Variants in PIK3R1 observed in about 807,000 individuals in gnomAD.
The protein encoded by PIK3R1 is phosphatidylinositol 3-kinase regulatory subunit alpha.
Under a neutral mutation model 98.0 loss-of-function variants are expected in PIK3R1, and 29 were observed. The observed-to-expected ratio is 0.30, with a 90% confidence interval of 0.22 to 0.40. PIK3R1 has a LOEUF of 0.40. PIK3R1 is among the 10% of genes least tolerant of loss of function. The probability of loss-of-function intolerance (pLI) is 1.00; values close to 1 mark genes in which losing one functional copy is unlikely to be tolerated. For missense variants in PIK3R1, 596 were observed against 872.7 expected (o/e 0.68, Z 3.99); for synonymous variants, 282 against 311.8 (o/e 0.90, Z 1.01).
chr5:68,284,698 A>G (rs1285545605), intron 7 of PIK3R1, among the ~76,000 whole-genome samples: 1 of 152,184 alleles, frequency 6.6e-6, no homozygotes, highest in South Asian at 2.1e-4. Flanking sequence ...TTACATTTCT[A>G]AAGGGTAGGG....
At chr5:68,279,836 T>C in intron 5 of PIK3R1, 103 bp downstream of exon 5, 1 of 1,120,230 alleles carries the variant, frequency 8.9e-7, no homozygotes, top group Non-Finnish European at 1.3e-6. Flanking sequence ...AAAATAGTAG[T>C]AATAACCTGT....
At chr5:68,265,412 T>C (rs1746083086) in intron 2 of PIK3R1, among the ~76,000 whole-genome samples, 1 of 152,178 alleles carries the variant, frequency 6.6e-6, no homozygotes, top group South Asian at 2.1e-4. Flanking sequence ...TTTATGTCTG[T>C]ACCACCATAG....
At chr5:68,295,513 TAGC>T (rs1370455076) in intron 14 of PIK3R1, 25 bp downstream of exon 14, 12 of 1,593,810 alleles carry the variant, frequency 7.5e-6, no homozygotes, top group African/African-American at 1.3e-5. Context: ...AAGATGGTGA[TAGC>T]AGAAGATTTT....
At chr5:68,284,259 C>T (rs1746982072) in intron 7 of PIK3R1, among the ~76,000 whole-genome samples, 2 of 152,232 alleles carry the variant, frequency 1.3e-5, no homozygotes, top group South Asian at 4.1e-4. Context: ...CTTCAGTCCA[C>T]CCATTCCTCA....
At chr5:68,280,502 C>CTTTTT in intron 5 of PIK3R1, 26 bp from the exon 6 acceptor site, 1 of 1,287,494 alleles carries the variant, frequency 7.8e-7, no homozygotes, top group South Asian at 1.3e-5. Context: ...ACTCATTTCT[C>CTTTTT]TTTTTTTTTT....
intron 2 of PIK3R1, among the ~76,000 whole-genome samples, chr5:68,234,857 G>A (rs1024782238): frequency 6.6e-6 from 1 of 152,116 alleles, no homozygotes; most frequent in Non-Finnish European, 1.5e-5. Flanking sequence ...ACTGTCTGGG[G>A]TTGTCACTGT....
chr5:68,223,299 G>A (rs931058794), intron 1 of PIK3R1, among the ~76,000 whole-genome samples: 3 of 151,892 alleles, frequency 2.0e-5, no homozygotes, highest in Admixed American at 6.6e-5. Flanking sequence ...TGCCTTCTCT[G>A]TCTAGCTAAG....
chr5:68,270,614 A>T (rs1293057603), intron 2 of PIK3R1, among the ~76,000 whole-genome samples: 1 of 152,162 alleles, frequency 6.6e-6, no homozygotes, highest in Non-Finnish European at 1.5e-5. Context: ...TTGCATGGAT[A>T]TGTATTTACT....
At chr5:68,222,659 C>T (rs974735258) in intron 1 of PIK3R1, among the ~76,000 whole-genome samples, 4 of 152,002 alleles carry the variant, frequency 2.6e-5, no homozygotes, top group Non-Finnish European at 4.4e-5. Flanking sequence ...ATGGAACTGC[C>T]GAGTTAAAAT....
At chr5:68,266,489 T>C (rs974038992) in intron 2 of PIK3R1, among the ~76,000 whole-genome samples, 2 of 152,192 alleles carry the variant, frequency 1.3e-5, no homozygotes, top group Admixed American at 6.5e-5. Context: ...AACTTGTTAT[T>C]TGGGGAGGAA....
At chr5:68,250,173 G>A (rs42849) in intron 2 of PIK3R1, among the ~76,000 whole-genome samples, 132,559 of 152,196 alleles carry the variant, frequency 0.87, 58,151 homozygotes, top group African/African-American at 0.97. Context: ...CCAGCTCACT[G>A]TGTTTCTTTT....
At chr5:68,223,370 CTT>C (rs78110753) in intron 1 of PIK3R1, among the ~76,000 whole-genome samples, 6 of 143,614 alleles carry the variant, frequency 4.2e-5, no homozygotes, top group African/African-American at 2.6e-5. Context: ...GACTGCTCTC[CTT>C]TTTTTTTTTT....
intron 2 of PIK3R1, chr5:68,239,849 A>G (rs905531548): frequency 5.9e-6 from 3 of 507,520 alleles, no homozygotes; most frequent in Non-Finnish European, 1.2e-5. Context: ...GGAAACAGAC[A>G]CAAGAACAAC....
At chr5:68,290,553 C>A in intron 7 of PIK3R1, 1 of 795,818 alleles carries the variant, frequency 1.3e-6, no homozygotes, top group Non-Finnish European at 1.8e-6. Flanking sequence ...TGGAAGAGAA[C>A]TGATGAAGCA....
chr5:68,274,457 TC>T (rs1174637048), intron 4 of PIK3R1, among the ~76,000 whole-genome samples: 1 of 152,226 alleles, frequency 6.6e-6, no homozygotes, highest in African/African-American at 2.4e-5. Context: ...CCTTCCATTT[TC>T]CTTTTCCGTT....
chr5:68,223,676 CTG>C (rs1276090009), intron 1 of PIK3R1, among the ~76,000 whole-genome samples: 1 of 152,206 alleles, frequency 6.6e-6, no homozygotes, highest in Non-Finnish European at 1.5e-5. Context: ...CTTTAGTTCT[CTG>C]TCACTTCAGA....
chr5:68,274,071 C>A, intron 4 of PIK3R1, 58 bp downstream of exon 4: 1 of 1,262,830 alleles, frequency 7.9e-7, no homozygotes, highest in Non-Finnish European at 1.2e-6. Flanking sequence ...CTTTCTGTTT[C>A]AGGTAATGCA....
At chr5:68,293,558 G>C in intron 10 of PIK3R1, 75 bp downstream of exon 10, 1 of 1,299,112 alleles carries the variant, frequency 7.7e-7, no homozygotes, top group Non-Finnish European at 1.1e-6. Context: ...AACATTTGAA[G>C]CAGATGAATT....
intron 2 of PIK3R1, among the ~76,000 whole-genome samples, chr5:68,240,427 T>C (rs1038011750): frequency 2.0e-5 from 3 of 152,236 alleles, no homozygotes; most frequent in Non-Finnish European, 4.4e-5. Flanking sequence ...TTAGAGGAAG[T>C]TTAAACATAT....
Sources: gnomAD v4.1 joint callset for allele counts (sites outside exome capture counted in the v4.1 genomes callset) on GRCh38, gnomAD v4.1.1 for gene constraint, MANE v1.5 for transcripts, NCBI Gene and HGNC (gene_info 2026-07-23, HGNC 2026-07-21) for gene names.